The following RAB27A variants were observed in gnomAD, a reference collection of about 807,000 sequenced individuals.
The protein encoded by RAB27A is RAB27A, member RAS oncogene family.
In RAB27A, 17 loss-of-function variants were observed where a neutral mutation model predicts 20.8. That is an observed-to-expected ratio of 0.82 (90% CI 0.56 to 1.23). RAB27A has a LOEUF of 1.23. RAB27A is among the 50% of genes most tolerant of loss of function. The pLI is 0.00. For synonymous variants in RAB27A, 85 were observed against 92.8 expected (o/e 0.92, Z 0.48); for missense variants, 277 against 266.7 (o/e 1.04, Z -0.27).
Position 55,205,648 on chromosome 15 carries a change from C to G in RAB27A, c.525G>C (p.Glu175Asp), listed in dbSNP as rs1488806292. 1 of 1,614,104 alleles carries G rather than the reference C, an allele frequency of 6.2e-7. No homozygotes were observed. The highest frequency in any genetic ancestry group is 8.5e-7 in the Non-Finnish European group (1 of 1,180,010). ...ANGTNISQAI[E>D]MLLDLIMKRM... ...GCTTCATTATCAGGTCCAGAAGCAT[C>G]TCAATTGCTTGGCTTATGTTTGTCC... Residue 175 changes from glutamate to aspartate, a missense_variant, in exon 7 of 7, where the codon GAG becomes GAC. Transcript: ENST00000336787.
chr15:55,230,461 C>G lies in RAB27A; in HGVS notation c.179G>C (p.Gly60Ala). The G allele has an allele frequency of 6.2e-7, 1 of 1,613,826 alleles. No individual in the cohort carries two copies. The highest frequency in any genetic ancestry group is 8.5e-7 in the Non-Finnish European group (1 of 1,179,800). The change falls in exon 4 of 7, where the codon GGA (glycine) becomes GCA (alanine). Residue 60 changes from glycine to alanine, a missense_variant. Transcript: ENST00000336787. ...GATTCTCTGGCCTCTGCCAGTGGCT[C>G]CATCCGGCCCACTGGCTCTGTACAC... The part of the protein sequence containing the change: ...RVVYRASGPD[G>A]ATGRGQRIHL...
chr15:55,318,035 A>G (rs1387628237), intron 1 of RAB27A, among the ~76,000 whole-genome samples: 1 of 152,198 alleles, frequency 6.6e-6, no homozygotes, highest in Non-Finnish European at 1.5e-5. Flanking sequence ...GGAAGGGTAT[A>G]AGACAAAACT....
At chr15:55,310,627 G>T (rs1171501184) in intron 2 of RAB27A, among the ~76,000 whole-genome samples, 1 of 152,166 alleles carries the variant, frequency 6.6e-6, no homozygotes, top group Non-Finnish European at 1.5e-5. Flanking sequence ...CTGCTTGCCT[G>T]AGGGCCATGA....
At position 55,257,226 on chromosome 15, in the gene RAB27A, G is replaced by A. The variant is rs538787052; in HGVS notation, c.-23+12939C>T. Among the ~76,000 whole-genome samples the A allele has an allele frequency of 3.3e-5, 5 of 152,222 alleles. No homozygotes were observed. In the East Asian group the frequency reaches 5.8e-4, roughly 18 times the overall value. Reference sequence around the variant, plus strand: ...AAGGGAAGGATGATGAGATTGGATCGGGGCAGGTTCAGCATGAGAGATCAT... The same window carrying A: ...AAGGGAAGGATGATGAGATTGGATCAGGGCAGGTTCAGCATGAGAGATCAT... On this transcript the variant is annotated intron_variant, in intron 2 of 6. Coordinates refer to ENST00000336787, the MANE Select transcript of RAB27A (RefSeq NM_183235.3).
intron 5 of RAB27A, among the ~76,000 whole-genome samples, chr15:55,225,578 G>A (rs962684211): frequency 1.3e-5 from 2 of 152,148 alleles, no homozygotes; most frequent in Non-Finnish European, 2.9e-5. Flanking sequence ...TGACTGAGAT[G>A]CACATTCACA....
At chr15:55,292,436 C>T (rs186208766), upstream of RAB27A, among the ~76,000 whole-genome samples, 158 of 152,280 alleles carry the variant, frequency 1.0e-3, no homozygotes, top group African/African-American at 3.4e-3. Flanking sequence ...TCAATTAGCA[C>T]GCTGTAATCC....
intron 2 of RAB27A, among the ~76,000 whole-genome samples, chr15:55,261,775 C>T (rs183603112): frequency 6.4e-5 from 9 of 141,044 alleles, no homozygotes; most frequent in Non-Finnish European, 1.1e-4. Flanking sequence ...CACAGTGGCT[C>T]ATGCCTGTAA....
chr15:55,293,576 C>T (rs183255914), upstream of RAB27A, among the ~76,000 whole-genome samples: 13 of 151,778 alleles, frequency 8.6e-5, no homozygotes, highest in African/African-American at 3.1e-4. Context: ...AGGATTTATA[C>T]ATTGAAAACC....
chr15:55,247,771 T>C (rs1467109559), intron 2 of RAB27A, among the ~76,000 whole-genome samples: 1 of 152,056 alleles, frequency 6.6e-6, no homozygotes, highest in Admixed American at 6.6e-5. Flanking sequence ...GAGTTGGCAG[T>C]AACTGGGGAA....
chr15:55,235,654 G>T (rs1209077835), intron 2 of RAB27A, among the ~76,000 whole-genome samples: 1 of 152,002 alleles, frequency 6.6e-6, no homozygotes, highest in Non-Finnish European at 1.5e-5. Context: ...TCATTAGAGT[G>T]CAAGTGGTTC....
At chr15:55,299,200 A>G (rs1879898724) in intron 2 of RAB27A, among the ~76,000 whole-genome samples, 1 of 152,246 alleles carries the variant, frequency 6.6e-6, no homozygotes, top group South Asian at 2.1e-4. Context: ...AGAAATTATA[A>G]AAGTATTAAT....
chr15:55,301,802 T>C (rs906443381), intron 2 of RAB27A, among the ~76,000 whole-genome samples: 2 of 151,872 alleles, frequency 1.3e-5, no homozygotes, highest in African/African-American at 4.8e-5. Flanking sequence ...TGTGCCACCA[T>C]ACCTTGCTAA....
chr15:55,252,580 C>T lies in RAB27A; in HGVS notation c.-23+17585G>A, dbSNP rs143222882. Among the ~76,000 whole-genome samples, 343 of 151,574 alleles carry T rather than the reference C, an allele frequency of 2.3e-3. 3 individuals carry two copies. Among genetic ancestry groups the T allele is most frequent in the African/African-American group, 7.6e-3 (314 of 41,286 alleles). ...TCGCACTACTGTACTCCAGCCTGGG[C>T]GACAGAGTGAGATTCCATCTCAAAA... On this transcript the variant is annotated intron_variant, in intron 2 of 6. Coordinates refer to ENST00000336787, the MANE Select transcript of RAB27A (RefSeq NM_183235.3).
intron 1 of RAB27A, among the ~76,000 whole-genome samples, chr15:55,274,815 T>TATATATATATATATATAC (rs1188210380): frequency 1.3e-4 from 18 of 135,086 alleles, no homozygotes; most frequent in African/African-American, 4.6e-4. Context: ...TATATATATA[T>TATATATATATATATATAC]ATATATATAT....
chr15:55,302,231 C>A (rs1359943006), intron 2 of RAB27A, among the ~76,000 whole-genome samples: 4 of 151,986 alleles, frequency 2.6e-5, no homozygotes, highest in Non-Finnish European at 5.9e-5. Context: ...ACAACAACAC[C>A]CGCCGCCACG....
intron 4 of RAB27A, 139 bp downstream of exon 4, chr15:55,230,262 C>A (rs959881885): frequency 7.5e-6 from 6 of 801,430 alleles, no homozygotes; most frequent in East Asian, 7.4e-5. Context: ...TCAGACTTGA[C>A]AAATTTCCTG....
At chr15:55,272,231 T>C (rs1897729520) in intron 1 of RAB27A, among the ~76,000 whole-genome samples, 1 of 152,120 alleles carries the variant, frequency 6.6e-6, no homozygotes, top group South Asian at 2.1e-4. Context: ...ACCCCGTCTC[T>C]ACTAAAAATA....
chr15:55,286,849 A>G (rs1898167351), intron 1 of RAB27A, among the ~76,000 whole-genome samples: 1 of 150,538 alleles, frequency 6.6e-6, no homozygotes, highest in South Asian at 2.1e-4. Flanking sequence ...CAGGTGACAG[A>G]GATGATAGAA....
At chr15:55,298,522 C>A (rs150277496) in intron 2 of RAB27A, among the ~76,000 whole-genome samples, 1 of 152,080 alleles carries the variant, frequency 6.6e-6, no homozygotes, top group Non-Finnish European at 1.5e-5. Context: ...CAAGTGGAGG[C>A]AGGGCGAGAT....
Sources: allele counts gnomAD v4.1 joint callset (sites outside exome capture counted in the v4.1 genomes callset), GRCh38; gene constraint gnomAD v4.1.1; transcripts MANE v1.5; gene names NCBI Gene and HGNC (gene_info 2026-07-23, HGNC 2026-07-21).